Variants in TRPM3 observed in about 807,000 individuals in gnomAD.
TRPM3 encodes transient receptor potential cation channel subfamily M member 3.
In TRPM3, 77 loss-of-function variants were observed where a neutral mutation model predicts 181.2. That is an observed-to-expected ratio of 0.42 (90% CI 0.35 to 0.51). The LOEUF is 0.51. Among genes scored for constraint, TRPM3 ranks in the 20% least tolerant of loss-of-function variants. The pLI is 0.01. For missense variants in TRPM3, 1,759 were observed against 2,196.7 expected (o/e 0.80, Z 3.98); for synonymous variants, 745 against 796.4 (o/e 0.94, Z 1.09).
chr9:70,830,769 T>C (rs1013887858), intron 5 of TRPM3, among the ~76,000 whole-genome samples: 2 of 152,172 alleles, frequency 1.3e-5, no homozygotes, highest in Non-Finnish European at 2.9e-5. Flanking sequence ...AGAAGGAAAA[T>C]GATAAAACCA....
At chr9:70,916,213 T>A (rs796652099) in intron 1 of TRPM3, among the ~76,000 whole-genome samples, 4 of 152,204 alleles carry the variant, frequency 2.6e-5, no homozygotes, top group African/African-American at 9.6e-5. Context: ...AGGGATTTCA[T>A]CAACACCAGA....
chr9:70,758,728 G>C (rs2077533320), intron 8 of TRPM3, among the ~76,000 whole-genome samples: 2 of 152,112 alleles, frequency 1.3e-5, no homozygotes, highest in Admixed American at 6.6e-5. Flanking sequence ...CAAGCAATGG[G>C]GAAAGGATTC....
At chr9:71,169,424 G>T (rs937469698) in intron 1 of TRPM3, among the ~76,000 whole-genome samples, 13 of 152,084 alleles carry the variant, frequency 8.5e-5, no homozygotes, top group African/African-American at 2.9e-4. Context: ...TTATTTATAT[G>T]CAAAAGACAA....
chr9:70,900,110 C>T (rs992618384), intron 1 of TRPM3, among the ~76,000 whole-genome samples: 13 of 152,264 alleles, frequency 8.5e-5, no homozygotes, highest in South Asian at 4.2e-4. Context: ...AGAATCATAA[C>T]TGATGACACA....
intron 1 of TRPM3, among the ~76,000 whole-genome samples, chr9:71,089,604 A>G (rs548295974): frequency 6.6e-6 from 1 of 152,244 alleles, no homozygotes; most frequent in East Asian, 1.9e-4. Context: ...TCATAAAATT[A>G]TGTGATAAAT....
intron 1 of TRPM3, among the ~76,000 whole-genome samples, chr9:70,881,068 T>C (rs745804052): frequency 3.5e-4 from 53 of 152,142 alleles, no homozygotes; most frequent in Non-Finnish European, 6.5e-4. Context: ...TAAAATGACT[T>C]ACAAGTTTTT....
chr9:70,756,555 G>A (rs553700272), intron 8 of TRPM3, among the ~76,000 whole-genome samples: 13 of 152,072 alleles, frequency 8.5e-5, no homozygotes, highest in South Asian at 4.2e-4. Context: ...TCTCAGCACC[G>A]CATCACACTT....
chr9:70,684,677 T>G (rs1381312879), intron 8 of TRPM3, among the ~76,000 whole-genome samples: 1 of 152,222 alleles, frequency 6.6e-6, no homozygotes, highest in Non-Finnish European at 1.5e-5. Context: ...CAGGTATTCT[T>G]AAATATTCTT....
At chr9:70,828,063 C>G in intron 5 of TRPM3, 45 bp from the exon 6 acceptor site, 1 of 1,564,162 alleles carries the variant, frequency 6.4e-7, no homozygotes, top group South Asian at 1.2e-5. Flanking sequence ...AAAAAAAGAA[C>G]ACAAGATATG....
intron 5 of TRPM3, among the ~76,000 whole-genome samples, chr9:70,828,559 GAATATAA>G (rs2093692882): frequency 6.6e-6 from 1 of 151,832 alleles, no homozygotes; most frequent in Admixed American, 6.6e-5. Context: ...TGGAAATCTT[GAATATAA>G]AATAATTGTC....
At chr9:71,225,972 G>C (rs575585549) in intron 1 of TRPM3, among the ~76,000 whole-genome samples, 12 of 61,226 alleles carry the variant, frequency 2.0e-4, no homozygotes, top group Admixed American at 7.4e-4. Context: ...TCAAGACATA[G>C]ACAGTACAAT....
chr9:71,205,883 C>T (rs1428269505), intron 1 of TRPM3, among the ~76,000 whole-genome samples: 1 of 152,132 alleles, frequency 6.6e-6, no homozygotes, highest in Admixed American at 6.5e-5. Context: ...ACTGTGATTT[C>T]AGCACAAATG....
intron 1 of TRPM3, among the ~76,000 whole-genome samples, chr9:71,239,608 GTA>G (rs2081550325): frequency 6.6e-6 from 1 of 152,032 alleles, no homozygotes; most frequent in South Asian, 2.1e-4. Flanking sequence ...AAAACAGGGA[GTA>G]CCTTACAGAA....
Position 70,803,056 on chromosome 9 carries a change from AAAAC to A in TRPM3, c.974-18781_974-18778del, listed in dbSNP as rs1489788808. On this transcript the variant is annotated intron_variant, in intron 6 of 25. Transcript: ENST00000677713. ...TGTAAAAAAAAAAAAAAAAAAAAAA[AAAAC>A]AAAGGCCCAACTCCACCAATTTTCT... Among the ~76,000 whole-genome samples, 33 of 106,344 alleles carry A rather than the reference AAAAC, an allele frequency of 3.1e-4. 1 individual carries two copies. The highest frequency in any genetic ancestry group is 1.5e-3 in the African/African-American group (28 of 18,168). 69.8% of individuals were successfully genotyped at this position (106,344 alleles called of 152,430 possible). A position where few individuals can be genotyped will look rare whatever the true frequency, so the allele number is the denominator to read the frequency against.
chr9:70,587,127 GA>G (rs892265050), intron 22 of TRPM3, among the ~76,000 whole-genome samples: 1 of 151,412 alleles, frequency 6.6e-6, no homozygotes, highest in Non-Finnish European at 1.5e-5. Context: ...TAGGCAGTAA[GA>G]AAAAAAAGTA....
intron 1 of TRPM3, chr9:70,868,900 C>T (rs1048137917): frequency 8.0e-6 from 6 of 753,286 alleles, no homozygotes; most frequent in African/African-American, 7.6e-5. Context: ...AAGCCTCCCT[C>T]GGTGTTGATC....
intron 1 of TRPM3, among the ~76,000 whole-genome samples, chr9:71,213,301 A>G (rs948323560): frequency 5.3e-5 from 8 of 152,110 alleles, no homozygotes; most frequent in Non-Finnish European, 8.8e-5. Context: ...TTTTTTTTCA[A>G]TCATTAAAAA....
At chr9:71,002,065 G>GT (rs1388315128) in intron 1 of TRPM3, among the ~76,000 whole-genome samples, 1 of 152,090 alleles carries the variant, frequency 6.6e-6, no homozygotes, top group Non-Finnish European at 1.5e-5. Flanking sequence ...TTCTAGCCTT[G>GT]TTTCTTGCTA....
At chr9:71,413,829 G>C (rs540470327) in intron 1 of TRPM3, among the ~76,000 whole-genome samples, 1 of 151,166 alleles carries the variant, frequency 6.6e-6, no homozygotes, top group South Asian at 2.1e-4. Flanking sequence ...GGATTTCCCA[G>C]CCTCCAGGAT....
Sources: gnomAD v4.1 joint callset for allele counts (sites outside exome capture counted in the v4.1 genomes callset) on GRCh38, gnomAD v4.1.1 for gene constraint, MANE v1.5 for transcripts, NCBI Gene and HGNC (gene_info 2026-07-23, HGNC 2026-07-21) for gene names.